The following SH3PXD2B variants were observed in gnomAD, a reference collection of about 807,000 sequenced individuals.
SH3PXD2B encodes the protein SH3 and PX domain-containing protein 2B.
A neutral mutation model predicts 73.1 loss-of-function variants in SH3PXD2B; 37 were observed. The ratio of observed to expected loss-of-function variants is 0.51; its 90% confidence interval spans 0.39 to 0.67. The LOEUF (loss-of-function observed/expected upper bound fraction) is 0.67, where lower values mean the gene tolerates loss of function less well. Ranked by LOEUF, SH3PXD2B falls within the 30% of genes least tolerant of loss-of-function variation. SH3PXD2B has a pLI of 0.00. For synonymous variants in SH3PXD2B, 457 were observed against 480.5 expected, an observed-to-expected ratio of 0.95 and a Z score of 0.64; for missense variants, 1,053 against 1,197.8, an observed-to-expected ratio of 0.88 and a Z score of 1.78.
At chr5:172,396,511 T>C (rs1434807938) in intron 3 of SH3PXD2B, among the ~76,000 whole-genome samples, 1 of 152,096 alleles carries the variant, frequency 6.6e-6, no homozygotes, top group Non-Finnish European at 1.5e-5. Context: ...TAAAAGACCA[T>C]GTAGCTAATC....
In SH3PXD2B at chr5:172,420,943, T is replaced by C. The variant is rs530441628; in HGVS notation, c.156+1473A>G. ...ACACCAAAAAAACCCTGGATTAAGA[T>C]GTGCCTGAAGCCTGGGAGATATATT... On this transcript the variant is annotated intron_variant, in intron 2 of 12. Transcript: ENST00000311601. Among the ~76,000 whole-genome samples the C allele has an allele frequency of 6.6e-5, 10 of 152,272 alleles. No homozygotes were observed. The South Asian group carries it at 2.1e-3, about 32-fold the overall frequency.
rs772624055 is a variant in SH3PXD2B, at chr5:172,338,975, C to T, written c.2130G>A (p.Gln710=). 4 of 1,614,028 alleles carry T rather than the reference C, an allele frequency of 2.5e-6. No homozygotes were observed. Among genetic ancestry groups the T allele is most frequent in the Non-Finnish European group, 2.5e-6 (3 of 1,179,996 alleles). Reference sequence around the variant, plus strand: ...GACCATCCTGTTTGCCCGTCCTGTCCTGGGCGCGGCCAGGCCCCTCTCCTG... The same window carrying T: ...GACCATCCTGTTTGCCCGTCCTGTCTTGGGCGCGGCCAGGCCCCTCTCCTG... The part of the protein sequence containing the change: ...FLPGEGPGRA[Q]DRTGKQDGLS... The change falls in exon 13 of 13, where the codon CAG becomes CAA. Residue 710 remains glutamine (Q), a synonymous_variant. Coordinates refer to ENST00000311601, the MANE Select transcript of SH3PXD2B (RefSeq NM_001017995.3). This position sits in a 1 kb window ranked among gnomAD's most constrained non-coding sequence, Gnocchi z 5.1.
intron 6 of SH3PXD2B, among the ~76,000 whole-genome samples, chr5:172,364,620 G>A (rs377094097): frequency 2.1e-4 from 32 of 152,168 alleles, no homozygotes; most frequent in African/African-American, 5.1e-4. Context: ...ACCTGAGATC[G>A]CACCACTGCA....
intron 6 of SH3PXD2B, among the ~76,000 whole-genome samples, chr5:172,364,533 C>T (rs1256522213): frequency 1.3e-5 from 2 of 152,102 alleles, no homozygotes; most frequent in Non-Finnish European, 2.9e-5. Flanking sequence ...GGCATGCTGG[C>T]ACGCGCCTGT....
intron 10 of SH3PXD2B, among the ~76,000 whole-genome samples, chr5:172,348,493 T>G (rs1757045189): frequency 6.6e-6 from 1 of 152,158 alleles, no homozygotes; most frequent in Admixed American, 6.5e-5. Flanking sequence ...GCTGCCATAT[T>G]AACCCTGAAC....
At chr5:172,446,045 C>G (rs921470400) in intron 1 of SH3PXD2B, among the ~76,000 whole-genome samples, 1 of 152,312 alleles carries the variant, frequency 6.6e-6, no homozygotes, top group South Asian at 2.1e-4. Context: ...AGCTGGTTCC[C>G]GTGTCACGTC....
Position 172,334,629 on chromosome 5 carries a change from C to T in SH3PXD2B, c.*3740G>A, listed in dbSNP as rs951481559. The T allele has an allele frequency of 1.5e-5, 15 of 985,306 alleles. No homozygotes were observed. The highest frequency in any genetic ancestry group is 1.4e-4 in the African/African-American group (8 of 57,226). The allele number at this position is 985,306 out of a possible 1,614,324, so 61.0% of individuals were successfully genotyped here. A position where few individuals can be genotyped will look rare whatever the true frequency, so the allele number is the denominator to read the frequency against. On this transcript the variant is annotated 3_prime_UTR_variant, in exon 13 of 13. Coordinates refer to ENST00000311601, the MANE Select transcript of SH3PXD2B (RefSeq NM_001017995.3). ...TAAGCCAACATGTAAGACTTGGGCA[C>T]GATGAAAGGACGGGGGTCCAGCTAC...
intron 1 of SH3PXD2B, among the ~76,000 whole-genome samples, chr5:172,439,426 G>A (rs1216177502): frequency 3.3e-5 from 5 of 152,064 alleles, no homozygotes; most frequent in Middle Eastern, 3.2e-3. Context: ...GGAAAATGGA[G>A]AGAACAGTAC....
At chr5:172,440,758 C>A (rs1759536396) in intron 1 of SH3PXD2B, among the ~76,000 whole-genome samples, 1 of 152,162 alleles carries the variant, frequency 6.6e-6, no homozygotes, top group African/African-American at 2.4e-5. Flanking sequence ...AAAAGGAAAC[C>A]AAGTCTCAAG....
chr5:172,332,081 G>A (rs1269933821), downstream of SH3PXD2B, among the ~76,000 whole-genome samples: 2 of 152,150 alleles, frequency 1.3e-5, no homozygotes, highest in African/African-American at 4.8e-5. Context: ...AGCCAGGTTT[G>A]GTCCCTGATC....
chr5:172,364,850 T>C (rs1225634486), intron 6 of SH3PXD2B, among the ~76,000 whole-genome samples: 1 of 151,792 alleles, frequency 6.6e-6, no homozygotes, highest in African/African-American at 2.4e-5. Context: ...AATTGGCAAA[T>C]GCTACAAAGC....
At chr5:172,354,042 C>A (rs979516591) in intron 8 of SH3PXD2B, 37 bp from the exon 9 acceptor site, 26 of 1,578,418 alleles carry the variant, frequency 1.6e-5, no homozygotes, top group Non-Finnish European at 2.1e-5. Context: ...CAGAAGAGGA[C>A]ACCAAGAGGC....
intron 5 of SH3PXD2B, among the ~76,000 whole-genome samples, chr5:172,381,502 G>A (rs906630949): frequency 2.0e-5 from 3 of 152,164 alleles, no homozygotes; most frequent in South Asian, 2.1e-4. Flanking sequence ...GCTGTGTAGC[G>A]ACAGGCGTCT....
intron 1 of SH3PXD2B, among the ~76,000 whole-genome samples, chr5:172,423,602 A>G (rs1159705937): frequency 2.0e-5 from 3 of 150,326 alleles, no homozygotes; most frequent in Non-Finnish European, 4.4e-5. Flanking sequence ...AGAACATGTG[A>G]CTTGAGCTGG....
rs564739133 is a variant in SH3PXD2B, at chr5:172,338,412, C to T, written c.2693G>A (p.Trp898Ter). The T allele has an allele frequency of 6.2e-7, 1 of 1,614,220 alleles. No individual in the cohort carries two copies. The highest frequency in any genetic ancestry group is 1.1e-5 in the South Asian group (1 of 91,090). Residue 898 changes from tryptophan (W) to a stop codon, truncating the protein, a stop_gained, in exon 13 of 13, where the codon TGG becomes TAG. Coordinates refer to ENST00000311601, the MANE Select transcript of SH3PXD2B (RefSeq NM_001017995.3). LOFTEE classifies it high-confidence loss of function. This position sits in a 1 kb window ranked among gnomAD's most constrained non-coding sequence, Gnocchi z 5.1. ...FCQVLSGAPS[W>*]EGWIPSNYLR... ...ATAGTTGGAAGGAATCCACCCTTCC[C>T]AGGAAGGGGCTCCGCTCAGGACCTG...
intron 6 of SH3PXD2B, among the ~76,000 whole-genome samples, chr5:172,373,326 C>A (rs1024413029): frequency 6.6e-6 from 1 of 152,216 alleles, no homozygotes; most frequent in Non-Finnish European, 1.5e-5. Flanking sequence ...AGGGTCCCTC[C>A]TTTCCGATCC....
At chr5:172,423,010 T>TTCCTCTGCC (rs902078869) in intron 1 of SH3PXD2B, among the ~76,000 whole-genome samples, 11 of 152,336 alleles carry the variant, frequency 7.2e-5, no homozygotes, top group Admixed American at 3.3e-4. Flanking sequence ...CAGCACCTGC[T>TTCCTCTGCC]TCCTCTGCCT....
chr5:172,407,975 C>T (rs1240031672), intron 2 of SH3PXD2B, among the ~76,000 whole-genome samples: 3 of 152,214 alleles, frequency 2.0e-5, no homozygotes, highest in African/African-American at 7.2e-5. Context: ...TGAAATGCTA[C>T]AAAGACAATT....
intron 5 of SH3PXD2B, 120 bp downstream of exon 5, chr5:172,381,916 C>T: frequency 1.4e-6 from 1 of 711,516 alleles, no homozygotes; most frequent in Non-Finnish European, 2.4e-6. Context: ...AGTGCGGTCT[C>T]ACAGGGGCTC....
Sources: gnomAD v4.1 joint callset for allele counts (sites outside exome capture counted in the v4.1 genomes callset) on GRCh38, gnomAD v4.1.1 for gene constraint, Gnocchi (gnomAD v3.1) non-coding constraint, MANE v1.5 for transcripts, NCBI Gene and HGNC (gene_info 2026-07-23, HGNC 2026-07-21) for gene names.